CLUAP1: variants seen among roughly 807,000 people sequenced by gnomAD.
The protein encoded by CLUAP1 is intraflagellar transport 38, also known as clusterin-associated protein 1.
Under a neutral mutation model 55.0 loss-of-function variants are expected in CLUAP1, and 50 were observed. The ratio of observed to expected loss-of-function variants is 0.91; its 90% CI spans 0.72 to 1.15. The LOEUF is 1.15. Among genes scored for constraint, CLUAP1 ranks in the 50% most tolerant of loss-of-function variants. CLUAP1 has a pLI of 0.00. For synonymous variants in CLUAP1, 195 were observed against 175.4 expected, an observed-to-expected ratio of 1.11 and a Z score of -0.88; for missense variants, 530 against 507.6, an observed-to-expected ratio of 1.04 and a Z score of -0.42.
intron 5 of CLUAP1, among the ~76,000 whole-genome samples, chr16:3,513,706 T>A (rs567240675): frequency 6.6e-6 from 1 of 152,302 alleles, no homozygotes; most frequent in South Asian, 2.1e-4. Flanking sequence ...TTCCTCGGCC[T>A]CCCAAAGTGC....
chr16:3,515,269 G>A (rs2037708699), intron 5 of CLUAP1: 1 of 356,076 alleles, frequency 2.8e-6, no homozygotes, highest in Non-Finnish European at 5.0e-6. Context: ...TGCTCATAGA[G>A]TTGGGGTCAC....
intron 3 of CLUAP1, among the ~76,000 whole-genome samples, chr16:3,507,875 T>G (rs766528732): frequency 6.6e-6 from 1 of 152,166 alleles, no homozygotes; most frequent in Non-Finnish European, 1.5e-5. Flanking sequence ...CTCATTCTGT[T>G]TACGCCTGAG....
rs1297670364 is a variant in CLUAP1, at chr16:3,532,027, C to T, written c.1037-759C>T. On this transcript the variant is annotated intron_variant, in intron 10 of 11. Coordinates refer to ENST00000576634, the MANE Select transcript of CLUAP1 (RefSeq NM_015041.3). ...CTAATTTTTGTATTTTTAGTAGAGA[C>T]GGGGTTTCACCATGTTGGCCAGGCT... 3.3e-5 allele frequency among the ~76,000 whole-genome samples: 5 copies of T among 151,854 alleles called. No homozygotes were observed. In the South Asian group the frequency reaches 6.2e-4, roughly 19 times the overall value.
upstream of CLUAP1, chr16:3,500,991 G>A: frequency 6.9e-7 from 1 of 1,457,718 alleles, no homozygotes; most frequent in East Asian, 2.4e-5. Context: ...GGTTGCCATA[G>A]AGATCGTCGA....
chr16:3,506,461 G>C, intron 3 of CLUAP1, 46 bp downstream of exon 3: 5 of 1,436,816 alleles, frequency 3.5e-6, no homozygotes, highest in Non-Finnish European at 4.9e-6. Context: ...AAATAAACTA[G>C]AAAGGATGAC....
chr16:3,530,779 T>A (rs927941778), intron 10 of CLUAP1, 104 bp downstream of exon 10: 6 of 782,542 alleles, frequency 7.7e-6, no homozygotes, highest in Non-Finnish European at 8.5e-6. Context: ...ACAAGCGTGC[T>A]GCGAATGGCC....
chr16:3,524,596 CAAAAAAAAAAAAAAA>C (rs755040158), intron 8 of CLUAP1, among the ~76,000 whole-genome samples: 2 of 34,292 alleles, frequency 5.8e-5, no homozygotes, highest in Non-Finnish European at 1.4e-4. Flanking sequence ...GACACCATCT[CAAAAAAAAAAAAAAA>C]AAAAAAAAAA....
In CLUAP1 at chr16:3,536,408, C is replaced by G; in HGVS notation, c.*137C>G. 1.3e-6 allele frequency: 1 copy of G among 797,392 alleles called. No homozygotes were observed. The highest frequency in any genetic ancestry group is 2.1e-5 in the South Asian group (1 of 47,810). 49.4% of individuals were successfully genotyped at this position (797,392 alleles called of 1,614,324 possible). ...ATGATCACTGAAGCAATACTTATTT[C>G]TGCTTTAGCCTCCTATGTTTGCATT... is the stretch of plus-strand genomic sequence containing the variant. On this transcript the variant is annotated 3_prime_UTR_variant, in exon 12 of 12. Coordinates refer to ENST00000576634, the MANE Select transcript of CLUAP1 (RefSeq NM_015041.3).
intron 9 of CLUAP1, among the ~76,000 whole-genome samples, chr16:3,528,444 T>A (rs2037990834): frequency 6.6e-6 from 1 of 152,194 alleles, no homozygotes; most frequent in Non-Finnish European, 1.5e-5. Context: ...TGGGAAATCC[T>A]CCAGGAACAA....
Position 3,501,072 on chromosome 16 carries a change from C to T in CLUAP1, c.5C>T (p.Ser2Phe), listed in dbSNP as rs1213203575. The change falls in exon 1 of 12, where the codon TCT becomes TTT. Residue 2 changes from serine (S) to phenylalanine (F), a missense_variant. Coordinates refer to ENST00000576634, the MANE Select transcript of CLUAP1 (RefSeq NM_015041.3). M[S>F]FRDLRNFTEM... is the part of the protein sequence containing the mutation. ...GCTCCTGGGGACCTGAGCGTTATGT[C>T]TTTCCGCGACCTCCGCAGTAAGGCA... is the stretch of plus-strand genomic sequence containing the variant. 9 of 1,599,554 alleles carry T rather than the reference C, an allele frequency of 5.6e-6. No individual in the cohort carries two copies. Among genetic ancestry groups the T allele is most frequent in the Non-Finnish European group, 7.6e-6 (9 of 1,176,968 alleles).
In CLUAP1 at chr16:3,510,298, ATT is replaced by A. The variant is rs562528367; in HGVS notation, c.399+1846_399+1847del. 9.5e-3 allele frequency among the ~76,000 whole-genome samples: 1,229 copies of A among 129,570 alleles called. 17 individuals are homozygous for A. The highest frequency in any genetic ancestry group is 0.028 in the African/African-American group (1,001 of 35,304). The allele number at this position is 129,570 out of a possible 152,430, so 85.0% of individuals were successfully genotyped here. On this transcript the variant is annotated intron_variant, in intron 4 of 11. Coordinates refer to ENST00000576634, the MANE Select transcript of CLUAP1 (RefSeq NM_015041.3). ...CGTGAGCCACCGCACCCGGCTTTGTATTTTTTTTTTTTTTTTTAGCAGAGATG... is the reference window on the plus strand; with the variant it reads ...CGTGAGCCACCGCACCCGGCTTTGTATTTTTTTTTTTTTTTAGCAGAGATG...
At chr16:3,532,403 C>CTTTTTT (rs58037008) in intron 10 of CLUAP1, among the ~76,000 whole-genome samples, 4 of 50,768 alleles carry the variant, frequency 7.9e-5, no homozygotes, top group Non-Finnish European at 1.4e-4. Context: ...AGCACAGTTG[C>CTTTTTT]TTTTTTTTTT....
upstream of CLUAP1, chr16:3,496,119 C>A (rs2037305391): frequency 5.3e-6 from 2 of 376,978 alleles, no homozygotes; most frequent in Non-Finnish European, 5.1e-6. Context: ...CCAGCCTGGG[C>A]TGCAGAGCGA....
At chr16:3,522,968 A>G (rs2037869719) in intron 7 of CLUAP1, among the ~76,000 whole-genome samples, 190 bp from the exon 8 acceptor site, 1 of 152,162 alleles carries the variant, frequency 6.6e-6, no homozygotes, top group Admixed American at 6.5e-5. Context: ...TTATGATGAA[A>G]AAGAAGTATG....
chr16:3,511,217 G>A (rs927874344), intron 4 of CLUAP1, among the ~76,000 whole-genome samples: 2 of 152,180 alleles, frequency 1.3e-5, no homozygotes, highest in African/African-American at 2.4e-5. Flanking sequence ...GTTGCTAGTG[G>A]GTTGAAAATG....
chr16:3,496,646 G>C (rs1354052837), upstream of CLUAP1: 1 of 533,844 alleles, frequency 1.9e-6, no homozygotes, highest in East Asian at 5.1e-5. Context: ...GGGCCGACAG[G>C]TGTACCGGCA....
intron 3 of CLUAP1, among the ~76,000 whole-genome samples, chr16:3,506,962 C>T (rs112945733): frequency 1.8e-4 from 27 of 152,022 alleles, no homozygotes; most frequent in South Asian, 4.1e-4. Context: ...TTTGGAAGGC[C>T]GAGGTGGGCG....
At chr16:3,521,496 G>A (rs1014794177) in intron 7 of CLUAP1, among the ~76,000 whole-genome samples, 2 of 150,824 alleles carry the variant, frequency 1.3e-5, no homozygotes, top group African/African-American at 4.9e-5. Context: ...GTGCAATGGC[G>A]CGATCCCGGC....
At chr16:3,513,684 AAGTG>A (rs1284672458) in intron 5 of CLUAP1, among the ~76,000 whole-genome samples, 2 of 152,042 alleles carry the variant, frequency 1.3e-5, no homozygotes, top group Non-Finnish European at 2.9e-5. Context: ...TCCTGATCTC[AAGTG>A]ATTCGCCTTC....
Sources: gnomAD v4.1 joint callset for allele counts (sites outside exome capture counted in the v4.1 genomes callset) on GRCh38, gnomAD v4.1.1 for gene constraint, MANE v1.5 for transcripts, NCBI Gene and HGNC (gene_info 2026-07-23, HGNC 2026-07-21) for gene names.